Variants in NTM observed in about 807,000 individuals in gnomAD.
NTM encodes the protein neurotrimin.
Under a neutral mutation model 42.1 loss-of-function variants are expected in NTM, and 13 were observed. The ratio of observed to expected loss-of-function variants is 0.31; its 90% CI spans 0.20 to 0.49. NTM has a LOEUF of 0.49. Among genes scored for constraint, NTM ranks in the 20% least tolerant of loss-of-function variants. The pLI, the probability that NTM is intolerant of heterozygous loss-of-function variation, is 0.99. For synonymous variants in NTM, 187 were observed against 179.2 expected, an observed-to-expected ratio of 1.04 and a Z score of -0.35; for missense variants, 373 against 452.8, an observed-to-expected ratio of 0.82 and a Z score of 1.60.
At chr11:132,176,813 C>T (rs2076901607) in intron 3 of NTM, among the ~76,000 whole-genome samples, 1 of 147,826 alleles carries the variant, frequency 6.8e-6, no homozygotes, top group Non-Finnish European at 1.5e-5. Flanking sequence ...ACTGCAACCT[C>T]TGCCTCCTCA....
Position 132,323,629 on chromosome 11 carries a change from T to C in NTM, c.935-6524T>C, listed in dbSNP as rs1450274274. Among the ~76,000 whole-genome samples, 21 of 152,218 alleles carry C rather than the reference T, an allele frequency of 1.4e-4. No homozygotes were observed. In the South Asian group the frequency reaches 4.2e-3, roughly 30 times the overall value. On this transcript the variant is annotated intron_variant, in intron 7 of 8. Transcript: ENST00000683400. Reference sequence around the variant, plus strand: ...GGAACTGGTACCATTCCTTCTGAAATTATTCTAATCAATAGAAAAAGAGGG... The same window carrying C: ...GGAACTGGTACCATTCCTTCTGAAACTATTCTAATCAATAGAAAAAGAGGG...
At chr11:132,158,184 T>C (rs568306662) in intron 3 of NTM, among the ~76,000 whole-genome samples, 10 of 152,340 alleles carry the variant, frequency 6.6e-5, no homozygotes, top group African/African-American at 2.2e-4. Flanking sequence ...AGTGTCTCCC[T>C]GGCTTCACCT....
chr11:131,941,445 G>C (rs146271958), intron 2 of NTM, among the ~76,000 whole-genome samples: 1 of 152,304 alleles, frequency 6.6e-6, no homozygotes, highest in African/African-American at 2.4e-5. Flanking sequence ...CCTTGGGCAA[G>C]TTACTTAATT....
chr11:132,158,404 C>T (rs1008987720), intron 3 of NTM, among the ~76,000 whole-genome samples: 1 of 152,228 alleles, frequency 6.6e-6, no homozygotes, highest in African/African-American at 2.4e-5. Context: ...AGCTTCCAAC[C>T]CCACATCATC....
Position 132,146,408 on chromosome 11 carries a change from C to T in NTM, c.294C>T (p.Tyr98=). ...TTCTGAGCAACACCCAAACGCAGTA[C>T]AGCATCGAGATCCAGAACGTGGATG... The part of the protein sequence containing the change: ...VVLLSNTQTQ[Y]SIEIQNVDVY... Residue 98 remains tyrosine, a synonymous_variant, in exon 3 of 9, where the codon TAC becomes TAT. Coordinates refer to ENST00000683400, the MANE Select transcript of NTM (RefSeq NM_001352005.2). The surrounding 1 kb of genome is among the most constrained non-coding windows in gnomAD (Gnocchi z 4.5). The T allele has an allele frequency of 1.2e-6, 2 of 1,614,208 alleles. No homozygotes were observed. Among genetic ancestry groups the T allele is most frequent in the South Asian group, 1.1e-5 (1 of 91,082 alleles).
chr11:132,086,916 G>A (rs559187222), intron 2 of NTM, among the ~76,000 whole-genome samples: 194 of 152,224 alleles, frequency 1.3e-3, no homozygotes, highest in Admixed American at 3.5e-3. Flanking sequence ...ATAGTACAGG[G>A]ACACAGTTAC....
At chr11:131,452,257 G>A (rs988124571) in intron 1 of NTM, among the ~76,000 whole-genome samples, 2 of 152,370 alleles carry the variant, frequency 1.3e-5, no homozygotes, top group African/African-American at 2.4e-5. Flanking sequence ...CGAGCGCCCC[G>A]TGGCCTCCCG....
Position 131,911,571 on chromosome 11 carries a change from C to G in NTM, c.90C>G (p.Pro30=). ...TGTTCCTTGTACCCACAGGAGTGCCCGTGCGCAGCGGAGATGCCACCTTCC... is the reference window on the plus strand; with the variant it reads ...TGTTCCTTGTACCCACAGGAGTGCCGGTGCGCAGCGGAGATGCCACCTTCC... The part of the protein sequence containing the change: ...LAALCLFQGV[P]VRSGDATFPK... Residue 30 remains proline, a synonymous_variant, in exon 2 of 9, where the codon CCC becomes CCG. Coordinates refer to ENST00000683400, the MANE Select transcript of NTM (RefSeq NM_001352005.2). 2.5e-6 allele frequency: 4 copies of G among 1,614,180 alleles called. No homozygotes were observed. Among genetic ancestry groups the G allele is most frequent in the Non-Finnish European group, 3.4e-6 (4 of 1,180,036 alleles).
intron 1 of NTM, among the ~76,000 whole-genome samples, chr11:131,401,832 A>ATATGTG (rs1945239316): frequency 1.2e-5 from 1 of 82,252 alleles, no homozygotes; most frequent in African/African-American, 4.7e-5. Context: ...ATATATATAT[A>ATATGTG]TATATATATA....
intron 1 of NTM, among the ~76,000 whole-genome samples, chr11:131,729,826 A>G (rs2135472063): frequency 6.6e-6 from 1 of 152,256 alleles, no homozygotes; most frequent in Middle Eastern, 3.4e-3. Flanking sequence ...ATCATCTATC[A>G]ATTGAAATTG....
chr11:132,186,626 G>A (rs1006443109), intron 3 of NTM, among the ~76,000 whole-genome samples: 17 of 152,226 alleles, frequency 1.1e-4, no homozygotes, highest in African/African-American at 4.1e-4. Flanking sequence ...TTCAGGTCAT[G>A]GCATTGCAGC....
intron 1 of NTM, among the ~76,000 whole-genome samples, chr11:131,659,692 A>G (rs565644614): frequency 2.2e-4 from 34 of 152,338 alleles, no homozygotes; most frequent in Middle Eastern, 3.4e-3. Flanking sequence ...AGTCTTTAAC[A>G]TACCAATGTG....
intron 1 of NTM, among the ~76,000 whole-genome samples, chr11:131,908,955 A>G (rs557398914): frequency 6.6e-6 from 1 of 152,342 alleles, no homozygotes; most frequent in South Asian, 2.1e-4. Context: ...CCATAAGTTG[A>G]CGATTGATAG....
intron 1 of NTM, among the ~76,000 whole-genome samples, chr11:131,838,963 T>TTTTA (rs2043868815): frequency 1.6e-5 from 2 of 122,388 alleles, no homozygotes; most frequent in Non-Finnish European, 3.2e-5. Context: ...GTAAATAATC[T>TTTTA]TTTTTTTTTT....
chr11:131,477,090 AGCTTGGAGGAGAAAGGGTAAT>A (rs1009785282), intron 1 of NTM, among the ~76,000 whole-genome samples: 28 of 152,256 alleles, frequency 1.8e-4, no homozygotes, highest in Admixed American at 5.2e-4. Flanking sequence ...AGGGTAGCAC[AGCTTGGAGGAGAAAGGGTAAT>A]GCTTGGAGGA....
intron 4 of NTM, among the ~76,000 whole-genome samples, chr11:132,287,742 T>A (rs2139949709): frequency 6.6e-6 from 1 of 152,310 alleles, no homozygotes; most frequent in South Asian, 2.1e-4. Context: ...AGAAAAAATG[T>A]GCTAACATGC....
intron 1 of NTM, among the ~76,000 whole-genome samples, chr11:131,493,086 G>A (rs1481769026): frequency 6.6e-6 from 1 of 152,006 alleles, no homozygotes; most frequent in Non-Finnish European, 1.5e-5. Context: ...AAATTAGCTG[G>A]GCTTGGTGGC....
chr11:131,692,132 T>C (rs945902234), intron 1 of NTM, among the ~76,000 whole-genome samples: 2 of 152,166 alleles, frequency 1.3e-5, no homozygotes, highest in Non-Finnish European at 1.5e-5. Context: ...CCTCGGTCTT[T>C]CTCTTGTCCT....
chr11:131,867,665 T>G (rs1329662180), intron 1 of NTM, among the ~76,000 whole-genome samples: 1 of 152,062 alleles, frequency 6.6e-6, no homozygotes, highest in Non-Finnish European at 1.5e-5. Flanking sequence ...TATAACCATG[T>G]GTGCATTTCT....
Sources: allele counts gnomAD v4.1 joint callset (sites outside exome capture counted in the v4.1 genomes callset), GRCh38; gene constraint gnomAD v4.1.1; non-coding constraint Gnocchi (gnomAD v3.1); transcripts MANE v1.5; gene names NCBI Gene and HGNC (gene_info 2026-07-23, HGNC 2026-07-21).